SLC5A3: variants seen among roughly 807,000 people sequenced by gnomAD.
SLC5A3 encodes sodium/myo-inositol cotransporter.
SLC5A3 carries 10 observed loss-of-function variants against 43.2 expected under a neutral mutation model. The observed-to-expected ratio is 0.23, with a 90% confidence interval of 0.14 to 0.39. The LOEUF (loss-of-function observed/expected upper bound fraction) is 0.39. Among genes scored for constraint, SLC5A3 ranks in the 10% least tolerant of loss-of-function variants. SLC5A3 has a pLI of 1.00. For synonymous variants in SLC5A3, 349 were observed against 322.0 expected (o/e 1.08, Z -0.90); for missense variants, 608 against 893.4 (o/e 0.68, Z 4.07).
rs1979467711 is a variant in SLC5A3, at chr21:34,106,190, C to T, written c.*8835C>T. On this transcript the variant is annotated 3_prime_UTR_variant, in exon 2 of 2. Coordinates refer to ENST00000381151, the MANE Select transcript of SLC5A3 (RefSeq NM_006933.7). Reference sequence around the variant, plus strand: ...CTTTCTGTGGTATTTTGTCCTGTAACTGAAGTATAGTAATTATTTTATGGA... The same window carrying T: ...CTTTCTGTGGTATTTTGTCCTGTAATTGAAGTATAGTAATTATTTTATGGA... 1.0e-6 allele frequency: 1 copy of T among 979,652 alleles called. No homozygotes were observed. The highest frequency in any genetic ancestry group is 6.2e-5 in the Admixed American group (1 of 16,234). 60.7% of individuals were successfully genotyped at this position (979,652 alleles called of 1,614,324 possible).
At chr21:34,078,219 G>A (rs568847366) in intron 1 of SLC5A3, among the ~76,000 whole-genome samples, 2 of 152,082 alleles carry the variant, frequency 1.3e-5, no homozygotes, top group African/African-American at 4.8e-5. Flanking sequence ...TGTTTTATCT[G>A]CTTGAAACCA....
In SLC5A3 at chr21:34,099,666, A is replaced by G. The variant is rs184372137; in HGVS notation, c.*2311A>G. On this transcript the variant is annotated 3_prime_UTR_variant, in exon 2 of 2. Coordinates refer to ENST00000381151, the MANE Select transcript of SLC5A3 (RefSeq NM_006933.7). ...TAGTTTGGAGAATTAGGGTCCCTCTACCTTCTTTCTGCTCTTGTCTTAGTA... is the reference window on the plus strand; with the variant it reads ...TAGTTTGGAGAATTAGGGTCCCTCTGCCTTCTTTCTGCTCTTGTCTTAGTA... 1.1e-4 allele frequency: 111 copies of G among 997,694 alleles called. No homozygotes were observed. Among genetic ancestry groups the G allele is most frequent in the Admixed American group, 7.4e-4 (12 of 16,240 alleles). 61.8% of individuals were successfully genotyped at this position (997,694 alleles called of 1,614,324 possible). A position where few individuals can be genotyped will look rare whatever the true frequency, so the allele number is the denominator to read the frequency against.
intron 1 of SLC5A3, among the ~76,000 whole-genome samples, chr21:34,091,703 C>T (rs1283198995): frequency 7.2e-5 from 11 of 152,140 alleles, no homozygotes; most frequent in Admixed American, 7.2e-4. Context: ...CAATAAAATA[C>T]TACTTTCTGA....
intron 1 of SLC5A3, among the ~76,000 whole-genome samples, chr21:34,092,969 AACAGCAGTTTTCATTGTAATTGAC>A (rs968840238): frequency 1.6e-4 from 25 of 152,362 alleles, no homozygotes; most frequent in Middle Eastern, 3.4e-3. Flanking sequence ...CATAACTGCG[AACAGCAGTTTTCATTGTAATTGAC>A]ACAGCAGTTT....
In SLC5A3 at chr21:34,105,909, T is replaced by C; in HGVS notation, c.*8554T>C. Reference sequence around the variant, plus strand: ...TTAAAATCATGACAATTCTAACTTGTCTATTCTAACCTATTGTGTACAATC... The same window carrying C: ...TTAAAATCATGACAATTCTAACTTGCCTATTCTAACCTATTGTGTACAATC... On this transcript the variant is annotated 3_prime_UTR_variant, in exon 2 of 2. Transcript: ENST00000381151. 2 of 986,966 alleles carry C rather than the reference T, an allele frequency of 2.0e-6. No homozygotes were observed. Among genetic ancestry groups the C allele is most frequent in the Middle Eastern group, 5.3e-4 (1 of 1,884 alleles). The allele number at this position is 986,966 out of a possible 1,614,324, so 61.1% of individuals were successfully genotyped here. A position where few individuals can be genotyped will look rare whatever the true frequency, so the allele number is the denominator to read the frequency against.
intron 1 of SLC5A3, among the ~76,000 whole-genome samples, chr21:34,079,632 T>A (rs899306531): frequency 1.1e-3 from 91 of 85,336 alleles, no homozygotes; most frequent in Non-Finnish European, 1.9e-3. Context: ...TTTTTTTTTT[T>A]TAGTAGAGAT....
chr21:34,097,420 T>G lies in SLC5A3; in HGVS notation c.*65T>G. 7.4e-7 allele frequency: 1 copy of G among 1,356,822 alleles called. No individual in the cohort carries two copies. Among genetic ancestry groups the G allele is most frequent in the Non-Finnish European group, 9.4e-7 (1 of 1,063,522 alleles). The allele number at this position is 1,356,822 out of a possible 1,614,324, so 84.0% of individuals were successfully genotyped here. ...GACTGGTCTTTGGGGAAAAAAGTTA[T>G]GTAACTGTGCATCTCTCAGGCATTG... On this transcript the variant is annotated 3_prime_UTR_variant, in exon 2 of 2. Coordinates refer to ENST00000381151, the MANE Select transcript of SLC5A3 (RefSeq NM_006933.7).
intron 1 of SLC5A3, among the ~76,000 whole-genome samples, chr21:34,074,444 A>T (rs1989273861): frequency 6.6e-6 from 1 of 152,096 alleles, no homozygotes; most frequent in Non-Finnish European, 1.5e-5. Flanking sequence ...TCCAGAAGAC[A>T]CTTTCTTCCC....
Position 34,104,829 on chromosome 21 carries a change from CAT to C in SLC5A3, c.*7475_*7476del. 1 of 999,910 alleles carries C rather than the reference CAT, an allele frequency of 1.0e-6. No homozygotes were observed. The highest frequency in any genetic ancestry group is 1.2e-6 in the Non-Finnish European group (1 of 829,658). 61.9% of individuals were successfully genotyped at this position (999,910 alleles called of 1,614,324 possible). A position where few individuals can be genotyped will look rare whatever the true frequency, so the allele number is the denominator to read the frequency against. On this transcript the variant is annotated 3_prime_UTR_variant, in exon 2 of 2. Transcript: ENST00000381151. The stretch of plus-strand genomic sequence containing the variant: ...ACGTACTATGTGTTCTGTACCTTTA[CAT>C]GTTTTTAAATTTAAGATAGTTTGTA...
intron 1 of SLC5A3, among the ~76,000 whole-genome samples, chr21:34,090,400 T>A (rs2409511): frequency 1 from 152,364 of 152,364 alleles, 76,182 homozygotes; most frequent in Non-Finnish European, 1. Flanking sequence ...AGCATGTATG[T>A]AAAGTCTTAA....
At chr21:34,077,730 T>A (rs1362942753) in intron 1 of SLC5A3, among the ~76,000 whole-genome samples, 2 of 152,200 alleles carry the variant, frequency 1.3e-5, no homozygotes, top group Non-Finnish European at 2.9e-5. Context: ...AGTACTTTGG[T>A]AGGGTAAGGA....
In SLC5A3 at chr21:34,101,125, G is replaced by C. The variant is rs1372432474; in HGVS notation, c.*3770G>C. On this transcript the variant is annotated 3_prime_UTR_variant, in exon 2 of 2. Coordinates refer to ENST00000381151, the MANE Select transcript of SLC5A3 (RefSeq NM_006933.7). ...ACTTGCCAGGACAAAATTTTCCTAAGAAATCAGAAAAATGATTAAGTGAGA... is the reference window on the plus strand; with the variant it reads ...ACTTGCCAGGACAAAATTTTCCTAACAAATCAGAAAAATGATTAAGTGAGA... 1.0e-6 allele frequency: 1 copy of C among 999,880 alleles called. No individual in the cohort carries two copies. Among genetic ancestry groups the C allele is most frequent in the Non-Finnish European group, 1.2e-6 (1 of 829,896 alleles). The allele number at this position is 999,880 out of a possible 1,614,324, so 61.9% of individuals were successfully genotyped here. A position where few individuals can be genotyped will look rare whatever the true frequency, so the allele number is the denominator to read the frequency against.
Position 34,098,304 on chromosome 21 carries a change from T to C in SLC5A3, c.*949T>C. ...TTAGCCAAATGCCTTCCTAGGTGGATCCAGTTGGAAGATATGTCCAGAAAC... is the reference window on the plus strand; with the variant it reads ...TTAGCCAAATGCCTTCCTAGGTGGACCCAGTTGGAAGATATGTCCAGAAAC... On this transcript the variant is annotated 3_prime_UTR_variant, in exon 2 of 2. Transcript: ENST00000381151. The C allele has an allele frequency of 3.0e-6, 3 of 1,000,174 alleles. No homozygotes were observed. Among genetic ancestry groups the C allele is most frequent in the Non-Finnish European group, 3.6e-6 (3 of 829,942 alleles). 62.0% of individuals were successfully genotyped at this position (1,000,174 alleles called of 1,614,324 possible).
At chr21:34,077,797 A>G (rs1190045158) in intron 1 of SLC5A3, among the ~76,000 whole-genome samples, 1 of 152,224 alleles carries the variant, frequency 6.6e-6, no homozygotes, top group African/African-American at 2.4e-5. Context: ...ATAGAAAAGT[A>G]TAATCAGTTC....
chr21:34,086,218 T>C (rs1315256502), intron 1 of SLC5A3, among the ~76,000 whole-genome samples: 2 of 152,128 alleles, frequency 1.3e-5, no homozygotes, highest in East Asian at 1.9e-4. Flanking sequence ...AGGTTTTGTT[T>C]TGTTTTGTTT....
chr21:34,098,888 C>T lies in SLC5A3; in HGVS notation c.*1533C>T, dbSNP rs1979098663. ...CAAATTATGTATGTACTTTCTTTGA[C>T]CTTCTTTAATCTCTGATACTTTTTA... On this transcript the variant is annotated 3_prime_UTR_variant, in exon 2 of 2. Transcript: ENST00000381151. The T allele has an allele frequency of 2.0e-6, 2 of 998,890 alleles. No individual in the cohort carries two copies. Among genetic ancestry groups the T allele is most frequent in the Non-Finnish European group, 1.2e-6 (1 of 828,756 alleles). The allele number at this position is 998,890 out of a possible 1,614,324, so 61.9% of individuals were successfully genotyped here. A position where few individuals can be genotyped will look rare whatever the true frequency, so the allele number is the denominator to read the frequency against.
chr21:34,084,496 A>T (rs1420599815), intron 1 of SLC5A3, among the ~76,000 whole-genome samples: 1 of 152,170 alleles, frequency 6.6e-6, no homozygotes, highest in African/African-American at 2.4e-5. Context: ...ATAATGCCTA[A>T]CCTTAGCAAT....
intron 1 of SLC5A3, among the ~76,000 whole-genome samples, chr21:34,074,195 C>A (rs1055299075): frequency 2.7e-5 from 4 of 150,332 alleles, no homozygotes; most frequent in Non-Finnish European, 4.5e-5. Context: ...CGCTCCGCCG[C>A]CCGCCGGCTG....
chr21:34,081,881 T>C (rs1200457612), intron 1 of SLC5A3, among the ~76,000 whole-genome samples: 1 of 152,168 alleles, frequency 6.6e-6, no homozygotes, highest in Non-Finnish European at 1.5e-5. Context: ...AATCCCAAAC[T>C]AGATCAAAGC....
Sources: allele counts gnomAD v4.1 joint callset (sites outside exome capture counted in the v4.1 genomes callset), GRCh38; gene constraint gnomAD v4.1.1; transcripts MANE v1.5; gene names NCBI Gene and HGNC (gene_info 2026-07-23, HGNC 2026-07-21).